The following VWF variants were observed in gnomAD, a reference collection of about 807,000 sequenced individuals.
VWF encodes the protein von Willebrand factor.
A neutral mutation model predicts 308.6 loss-of-function variants in VWF; 176 were observed. The observed-to-expected ratio is 0.57, with a 90% CI of 0.50 to 0.65. VWF has a LOEUF of 0.65. VWF is among the 30% of genes least tolerant of loss of function. VWF has a pLI of 0.00. For synonymous variants in VWF, 1,385 were observed against 1,443.4 expected (o/e 0.96, Z 0.92); for missense variants, 3,146 against 3,648.2 (o/e 0.86, Z 3.55).
chr12:6,058,416 C>T lies in VWF; in HGVS notation c.1534-372G>A, dbSNP rs1012559318. Among the ~76,000 whole-genome samples the T allele has an allele frequency of 9.2e-5, 14 of 152,316 alleles. No homozygotes were observed. Among genetic ancestry groups the T allele is most frequent in the Middle Eastern group, 3.4e-3 (1 of 294 alleles). On this transcript the variant is annotated intron_variant, in intron 13 of 51. Transcript: ENST00000261405. This position sits in a 1 kb window ranked among gnomAD's most constrained non-coding sequence, Gnocchi z 4.9. ...GGCAGGTTGAGCCCAGCCCGAAGCA[C>T]TCTGCCCTCTGTGCCATCCACACCA...
intron 35 of VWF, 56 bp downstream of exon 35, chr12:5,995,946 G>A: frequency 2.6e-6 from 4 of 1,558,246 alleles, no homozygotes; most frequent in East Asian, 4.5e-5. Flanking sequence ...CCAGGTCCAG[G>A]TGGTTTTCCT....
intron 33 of VWF, 112 bp downstream of exon 33, chr12:6,011,975 T>C (rs1382176728): frequency 2.9e-5 from 41 of 1,416,378 alleles, no homozygotes; most frequent in Non-Finnish European, 4.0e-5. Context: ...AACAAGATAA[T>C]AGTAAAAGGA....
Position 6,072,260 on chromosome 12 carries a change from C to T in VWF, c.1109+71G>A. ...AGGTTCTTTTCCACCTGCCACCACCCCTGCTGACCCAGCTTCCCTCCCCAG... is the reference window on the plus strand; with the variant it reads ...AGGTTCTTTTCCACCTGCCACCACCTCTGCTGACCCAGCTTCCCTCCCCAG... On this transcript the variant is annotated intron_variant, in intron 9 of 51. Coordinates refer to ENST00000261405, the MANE Select transcript of VWF (RefSeq NM_000552.5). 4 of 1,434,742 alleles carry T rather than the reference C, an allele frequency of 2.8e-6. No individual in the cohort carries two copies. The East Asian group carries it at 9.1e-5, about 33-fold the overall frequency. 88.9% of individuals were successfully genotyped at this position (1,434,742 alleles called of 1,614,324 possible).
At chr12:6,013,758 C>T in intron 31 of VWF, 113 bp from the exon 32 acceptor site, 1 of 1,177,186 alleles carries the variant, frequency 8.5e-7, no homozygotes, top group Non-Finnish European at 1.2e-6. Flanking sequence ...AGGCTGGTCA[C>T]ATACATCAGC....
At chr12:5,985,737 G>T in intron 38 of VWF, 72 bp from the exon 39 acceptor site, 1 of 1,434,534 alleles carries the variant, frequency 7.0e-7, no homozygotes, top group Non-Finnish European at 9.7e-7. Context: ...ACAGAGGTCA[G>T]CTCTCCCTGC....
intron 6 of VWF, among the ~76,000 whole-genome samples, chr12:6,086,158 G>A (rs1170397964): frequency 3.3e-5 from 5 of 152,150 alleles, no homozygotes; most frequent in Non-Finnish European, 7.3e-5. Context: ...GGCAGAGTAG[G>A]AAAGTAACTT....
chr12:6,068,206 T>C (rs1421674511), intron 10 of VWF, among the ~76,000 whole-genome samples: 1 of 150,872 alleles, frequency 6.6e-6, no homozygotes, highest in East Asian at 1.9e-4. Flanking sequence ...TCCTGCCTCA[T>C]GAAAAAAAAC....
At chr12:6,045,992 G>A (rs562396381) in intron 17 of VWF, among the ~76,000 whole-genome samples, 1 of 152,296 alleles carries the variant, frequency 6.6e-6, no homozygotes, top group Admixed American at 6.5e-5. Context: ...GGAGGCCGAG[G>A]CAGGCAGATC....
rs1291280364 is a variant in VWF, at chr12:6,022,049, CT to C, written c.3539-15del. On this transcript the variant is annotated splice_polypyrimidine_tract_variant and intron_variant, in intron 26 of 51. Transcript: ENST00000261405. The stretch of plus-strand genomic sequence containing the variant: ...CCAGGATTTTCCCTGCAAAAGAAAG[CT>C]CTCATTAGGAACCAAAACGCTCCCC... The C allele has an allele frequency of 1.2e-6, 2 of 1,613,980 alleles. No individual in the cohort carries two copies. Among genetic ancestry groups the C allele is most frequent in the Non-Finnish European group, 1.7e-6 (2 of 1,180,020 alleles).
intron 34 of VWF, among the ~76,000 whole-genome samples, chr12:6,003,895 A>G (rs1389742169): frequency 6.9e-6 from 1 of 145,726 alleles, no homozygotes; most frequent in Non-Finnish European, 1.5e-5. Context: ...GGCTCACTAC[A>G]AGCTCCACCT....
intron 9 of VWF, 50 bp from the exon 10 acceptor site, chr12:6,071,393 G>T: frequency 6.2e-7 from 1 of 1,602,598 alleles, no homozygotes; most frequent in Non-Finnish European, 8.5e-7. Context: ...AAACACAAGG[G>T]TATGCAAATG....
chr12:6,025,800 G>A (rs1399440205), intron 23 of VWF, 106 bp downstream of exon 23: 2 of 1,597,600 alleles, frequency 1.3e-6, no homozygotes, highest in African/African-American at 2.7e-5. Flanking sequence ...CCACCTGGAG[G>A]TCATACCACC....
At chr12:6,112,496 C>T (rs1945318248) in intron 3 of VWF, among the ~76,000 whole-genome samples, 1 of 152,150 alleles carries the variant, frequency 6.6e-6, no homozygotes, top group Admixed American at 6.5e-5. Flanking sequence ...CCAGAGAAAA[C>T]AAAGAGCTGA....
intron 31 of VWF, among the ~76,000 whole-genome samples, chr12:6,014,780 G>T (rs1343767123): frequency 6.6e-6 from 1 of 152,112 alleles, no homozygotes; most frequent in Non-Finnish European, 1.5e-5. Context: ...CCACCAAGGG[G>T]GTATATGTAA....
At position 6,034,805 on chromosome 12, in the gene VWF, C is replaced by A; in HGVS notation, c.2568G>T (p.Trp856Cys). The A allele has an allele frequency of 6.2e-7, 1 of 1,614,222 alleles. No individual in the cohort carries two copies. Among genetic ancestry groups the A allele is most frequent in the Non-Finnish European group, 8.5e-7 (1 of 1,180,040 alleles). ...CNTCVCQDRK[W>C]NCTDHVCDAT... ...CATCACACACATGGTCTGTGCAGTT[C>A]CACTTCCGGTCCTGACAGACACTAG... is the stretch of plus-strand genomic sequence containing the variant. The change falls in exon 20 of 52, where the codon TGG (tryptophan) becomes TGT (cysteine). Residue 856 changes from tryptophan (W) to cysteine (C), a missense_variant. Trp to Cys is a radical substitution (Grantham distance 215). Around this residue, in one of 3 missense-constraint regions of VWF, gnomAD observed 1,304 missense variants for 1,353.0 expected, o/e 0.96. Transcript: ENST00000261405.
intron 18 of VWF, among the ~76,000 whole-genome samples, chr12:6,042,718 C>T (rs1429161039): frequency 6.6e-6 from 1 of 152,228 alleles, no homozygotes; most frequent in African/African-American, 2.4e-5. Flanking sequence ...AGGATAGCCA[C>T]AGCCTGTATT....
chr12:5,969,597 CCTGA>C (rs1163784210), intron 44 of VWF, among the ~76,000 whole-genome samples: 3 of 152,224 alleles, frequency 2.0e-5, no homozygotes, highest in Non-Finnish European at 4.4e-5. Flanking sequence ...GTCAAAATCA[CCTGA>C]CTGAGGCACC....
chr12:6,008,715 A>G (rs1298820490), intron 34 of VWF, among the ~76,000 whole-genome samples: 2 of 152,230 alleles, frequency 1.3e-5, no homozygotes, highest in African/African-American at 4.8e-5. Flanking sequence ...TCAAAAAAGA[A>G]GTAAAATTAT....
At chr12:5,983,974 GGATAGATAGATAGATAGATAGATAGATA>G (rs71064178) in intron 40 of VWF, among the ~76,000 whole-genome samples, 2 of 133,042 alleles carry the variant, frequency 1.5e-5, no homozygotes, top group South Asian at 5.3e-4. Context: ...ATGGATAGAT[GGATAGATAGATAGATAGATAGATAGATA>G]GATAGATAGA....
Sources: allele counts gnomAD v4.1 joint callset (sites outside exome capture counted in the v4.1 genomes callset), GRCh38; gene constraint gnomAD v4.1.1; regional missense constraint gnomAD v4.1.1; non-coding constraint Gnocchi (gnomAD v3.1); transcripts MANE v1.5; gene names NCBI Gene and HGNC (gene_info 2026-07-23, HGNC 2026-07-21).